SPTBN5: variants seen among roughly 807,000 people sequenced by gnomAD.
SPTBN5 encodes the protein spectrin beta, non-erythrocytic 5.
A neutral mutation model predicts 477.6 loss-of-function variants in SPTBN5; 513 were observed. That is an observed-to-expected ratio of 1.07 (90% CI 1.00 to 1.16). The LOEUF is 1.16. SPTBN5 is among the 50% of genes most tolerant of loss of function. The probability of loss-of-function intolerance (pLI) is 0.00; values close to 1 mark genes in which losing one functional copy is unlikely to be tolerated. For missense variants in SPTBN5, 5,062 were observed against 4,731.8 expected (o/e 1.07, Z -2.05); for synonymous variants, 2,169 against 2,011.7 (o/e 1.08, Z -2.09).
In SPTBN5 at chr15:41,885,757, T is replaced by C. The variant is rs775058321; in HGVS notation, c.1498A>G (p.Ser500Gly). Reference protein sequence around the residue: ...ADILRQEQYHSWADVARRQEE... With the variant: ...ADILRQEQYHGWADVARRQEE... The stretch of plus-strand genomic sequence containing the variant: ...CACCTGCGGGCCACATCTGCCCAGC[T>C]GTGGTACTGCTCCTGCCGGAGGATG... Residue 500 changes from serine (S) to glycine (G), a missense_variant, in exon 7 of 68, where the codon AGC becomes GGC. Transcript: ENST00000320955. 12 of 1,557,462 alleles carry C rather than the reference T, an allele frequency of 7.7e-6. No individual in the cohort carries two copies. The highest frequency in any genetic ancestry group is 1.0e-5 in the Non-Finnish European group (12 of 1,150,690).
Position 41,854,886 on chromosome 15 carries a change from G to A in SPTBN5, c.9514C>T (p.Leu3172=), listed in dbSNP as rs773223833. ...TAGCGCCTGGGTGCACCCCGCTCCA[G>A]GGTGCCTGCCAACTTCCTCAGGGCA... is the stretch of plus-strand genomic sequence containing the variant. ...VYALRKLAGT[L]ERGAPRRYPH... is the part of the protein sequence containing the mutation. The change falls in exon 56 of 68, where the codon CTG becomes TTG. Residue 3172 remains leucine (L), a synonymous_variant. Coordinates refer to ENST00000320955, the MANE Select transcript of SPTBN5 (RefSeq NM_016642.4). 21 of 1,609,384 alleles carry A rather than the reference G, an allele frequency of 1.3e-5. No homozygotes were observed. The South Asian group carries it at 2.2e-4, about 17-fold the overall frequency.
rs1382711195 is a variant in SPTBN5 at position 41,871,929 on chromosome 15, G to T, written c.5166-12C>A. The stretch of plus-strand genomic sequence containing the variant: ...CCAGTTCCCGGTCCCTGTGGTAACA[G>T]TCCGTGGTTCCCCAGAAGTGAGTTG... On this transcript the variant is annotated splice_polypyrimidine_tract_variant and intron_variant, in intron 27 of 67. Coordinates refer to ENST00000320955, the MANE Select transcript of SPTBN5 (RefSeq NM_016642.4). 3 of 1,544,852 alleles carry T rather than the reference G, an allele frequency of 1.9e-6. No individual in the cohort carries two copies. The highest frequency in any genetic ancestry group is 2.6e-6 in the Non-Finnish European group (3 of 1,141,794).
rs774507791 is a variant in SPTBN5, at chr15:41,886,263, G to C, written c.992C>G (p.Ala331Gly). The C allele has an allele frequency of 1.9e-6, 3 of 1,613,252 alleles. No homozygotes were observed. Among genetic ancestry groups the C allele is most frequent in the Non-Finnish European group, 2.5e-6 (3 of 1,179,888 alleles). ...GGGCAGCGAGTCTGGAAAATCCCGC[G>C]CCTCCAGCTGCATCTGCTTCTCTGC... ...WIAEKQMQLE[A>G]RDFPDSLPAM... The change falls in exon 7 of 68, where the codon GCG (alanine) becomes GGG (glycine). Residue 331 changes from alanine (A) to glycine (G), a missense_variant. Ala to Gly is a moderately conservative substitution (Grantham distance 60). Transcript: ENST00000320955.
At chr15:41,850,077 T>C in intron 66 of SPTBN5, 118 bp from the exon 67 acceptor site, 1 of 853,586 alleles carries the variant, frequency 1.2e-6, no homozygotes, top group Non-Finnish European at 1.9e-6. Flanking sequence ...AGCCTGGCTA[T>C]GCCAGGCCCT....
intron 3 of SPTBN5, among the ~76,000 whole-genome samples, chr15:41,891,756 G>T (rs1039966127): frequency 6.6e-6 from 1 of 152,164 alleles, no homozygotes; most frequent in Non-Finnish European, 1.5e-5. Context: ...GGGCATGGGA[G>T]CATCTCCATA....
At chr15:41,866,275 C>A (rs2066307125) in intron 37 of SPTBN5, 46 bp from the exon 38 acceptor site, 6 of 1,574,724 alleles carry the variant, frequency 3.8e-6, no homozygotes, top group Non-Finnish European at 5.2e-6. Flanking sequence ...GCTGCACTTC[C>A]TCCTAAGACT....
chr15:41,888,162 C>A, intron 4 of SPTBN5, 77 bp from the exon 5 acceptor site: 1 of 1,434,206 alleles, frequency 7.0e-7, no homozygotes, highest in South Asian at 1.3e-5. Flanking sequence ...GTGGGAGAGG[C>A]AGGCTGGCCA....
At chr15:41,864,787 G>A (rs922271025) in intron 39 of SPTBN5, among the ~76,000 whole-genome samples, 1 of 152,234 alleles carries the variant, frequency 6.6e-6, no homozygotes, top group Non-Finnish European at 1.5e-5. Context: ...GGTACGCAGG[G>A]AGGGGGTCCA....
intron 32 of SPTBN5, among the ~76,000 whole-genome samples, 200 bp from the exon 33 acceptor site, chr15:41,868,801 G>A (rs2066430741): frequency 6.6e-6 from 1 of 152,140 alleles, no homozygotes; most frequent in African/African-American, 2.4e-5. Flanking sequence ...CCAGAACCAC[G>A]AACCCCCTAC....
At chr15:41,892,742 T>G (rs1157111484) in intron 3 of SPTBN5, 152 bp downstream of exon 3, 2 of 856,260 alleles carry the variant, frequency 2.3e-6, no homozygotes, top group African/African-American at 3.4e-5. Flanking sequence ...GCGTGGCTTC[T>G]GCTCCTCTGT....
At chr15:41,890,245 G>C in intron 3 of SPTBN5, 40 bp from the exon 4 acceptor site, 1 of 1,396,910 alleles carries the variant, frequency 7.2e-7, no homozygotes, top group Middle Eastern at 1.8e-4. Flanking sequence ...TGAAGCCCAT[G>C]TCCAGAGAGG....
At chr15:41,865,924 G>A (rs1168770017) in intron 38 of SPTBN5, 21 bp from the exon 39 acceptor site, 2 of 1,556,870 alleles carry the variant, frequency 1.3e-6, no homozygotes, top group Non-Finnish European at 1.7e-6. Context: ...CGAGGGTGGG[G>A]AGGGAGCGCT....
Position 41,866,963 on chromosome 15 carries a change from G to T in SPTBN5, c.6476C>A (p.Thr2159Asn). 1 of 1,575,152 alleles carries T rather than the reference G, an allele frequency of 6.3e-7. No homozygotes were observed. ...GGGCTGGGGGTGCCCTCTGACCTGG[G>T]TTGCGGCCTGGGTGAAGCTGGCCAT... ...LLMASFTQAA[T>N]QAEDWIQAWA... Residue 2159 changes from threonine to asparagine, a missense_variant, in exon 36 of 68, where the codon ACC (threonine) becomes AAC (asparagine). Coordinates refer to ENST00000320955, the MANE Select transcript of SPTBN5 (RefSeq NM_016642.4).
At position 41,878,341 on chromosome 15, in the gene SPTBN5, C is replaced by A. The variant is rs767027432; in HGVS notation, c.3470+1G>T. 5 of 1,613,378 alleles carry A rather than the reference C, an allele frequency of 3.1e-6. No individual in the cohort carries two copies. In the South Asian group the frequency reaches 5.5e-5, roughly 18 times the overall value. On this transcript the variant is annotated splice_donor_variant, in intron 17 of 67. Transcript: ENST00000320955. LOFTEE classifies it high-confidence loss of function. The stretch of plus-strand genomic sequence containing the variant: ...CACCCCTTCTGCCCTCCTGTCCTGA[C>A]CTCTCCTGCCACAGGTGGATCTCCT...
intron 66 of SPTBN5, 21 bp from the exon 67 acceptor site, chr15:41,849,980 C>A (rs1368744882): frequency 1.3e-6 from 2 of 1,560,344 alleles, no homozygotes; most frequent in East Asian, 2.4e-5. Flanking sequence ...AGGGAATAAC[C>A]ACTGTTAGCC....
rs375265768 is a variant in SPTBN5 at position 41,879,363 on chromosome 15, G to T, written c.3079C>A (p.Gln1027Lys). Reference sequence around the variant, plus strand: ...CAGGTGTCCTCTGAGCTCCCTGGCTGCAGGGCCTCCAGCTGGAGGAGCACG... The same window carrying T: ...CAGGTGTCCTCTGAGCTCCCTGGCTTCAGGGCCTCCAGCTGGAGGAGCACG... ...RDVLLQLEAL[Q>K]PGSSEDTCHA... The change falls in exon 16 of 68, where the codon CAG becomes AAG. Residue 1027 changes from glutamine (Q) to lysine (K), a missense_variant. By Grantham distance (53) the Gln-to-Lys change is moderately conservative (BLOSUM62 1). Coordinates refer to ENST00000320955, the MANE Select transcript of SPTBN5 (RefSeq NM_016642.4). 7.5e-6 allele frequency: 12 copies of T among 1,610,128 alleles called. No homozygotes were observed. The highest frequency in any genetic ancestry group is 1.0e-5 in the Non-Finnish European group (12 of 1,179,832).
chr15:41,859,070 ACT>A (rs2066015179), intron 47 of SPTBN5, 90 bp from the exon 48 acceptor site: 5 of 992,138 alleles, frequency 5.0e-6, no homozygotes, highest in African/African-American at 5.0e-5. Flanking sequence ...GTATGAATAT[ACT>A]CTGAGTCTGG....
In SPTBN5 at chr15:41,853,451, T is replaced by C; in HGVS notation, c.9981-4A>G. 1.3e-6 allele frequency: 2 copies of C among 1,568,220 alleles called. No individual in the cohort carries two copies. The highest frequency in any genetic ancestry group is 1.7e-6 in the Non-Finnish European group (2 of 1,149,762). ...CTGCCTCTCCTGTGCCCATGCTCTG[T>C]GGGGCAGGGAAGGGAGCTGTTGTCA... On this transcript the variant is annotated splice_polypyrimidine_tract_variant and splice_region_variant and intron_variant, in intron 58 of 67. Transcript: ENST00000320955.
In SPTBN5 at chr15:41,868,182, C is replaced by A. The variant is rs1279169160; in HGVS notation, c.6094G>T (p.Asp2032Tyr). ...EELRALQDQR[D>Y]QVYQTWARKQ... is the part of the protein sequence containing the mutation. ...CGTGCCCAGGTCTGATACACCTGGT[C>A]CCGCTGGTCCTGCAGGGCTCGAAGC... The change falls in exon 34 of 68, where the codon GAC becomes TAC. Residue 2032 changes from aspartate to tyrosine, a missense_variant. Transcript: ENST00000320955. 2 of 1,583,372 alleles carry A rather than the reference C, an allele frequency of 1.3e-6. No homozygotes were observed. The highest frequency in any genetic ancestry group is 1.7e-6 in the Non-Finnish European group (2 of 1,165,120).
Sources: allele counts gnomAD v4.1 joint callset (sites outside exome capture counted in the v4.1 genomes callset), GRCh38; gene constraint gnomAD v4.1.1; transcripts MANE v1.5; gene names NCBI Gene and HGNC (gene_info 2026-07-23, HGNC 2026-07-21).